Variants in ALPK3 observed in about 807,000 individuals in gnomAD.
ALPK3 encodes alpha kinase 3.
Under a neutral mutation model 140.0 loss-of-function variants are expected in ALPK3, and 102 were observed. The ratio of observed to expected loss-of-function variants is 0.73; its 90% CI spans 0.62 to 0.86. The LOEUF (loss-of-function observed/expected upper bound fraction) is 0.86, where lower values mean the gene tolerates loss of function less well. ALPK3 is among the 40% of genes least tolerant of loss of function. The pLI, the probability that ALPK3 is intolerant of heterozygous loss-of-function variation, is 0.00. For synonymous variants in ALPK3, 938 were observed against 898.5 expected, an observed-to-expected ratio of 1.04 and a Z score of -0.79; for missense variants, 2,254 against 2,208.2, an observed-to-expected ratio of 1.02 and a Z score of -0.42.
chr15:84,841,570 G>A (rs918013703), intron 5 of ALPK3, among the ~76,000 whole-genome samples: 1 of 152,232 alleles, frequency 6.6e-6, no homozygotes, highest in African/African-American at 2.4e-5. Context: ...GTTGGGATCA[G>A]ATATGACTAT....
At chr15:84,867,493 GC>G in intron 13 of ALPK3, 128 bp downstream of exon 13, 1 of 1,059,692 alleles carries the variant, frequency 9.4e-7, no homozygotes, top group Non-Finnish European at 1.4e-6. Flanking sequence ...CACACCCATG[GC>G]CATGTGGTAA....
At chr15:84,859,481 C>A in intron 7 of ALPK3, 91 bp downstream of exon 7, 1 of 1,484,646 alleles carries the variant, frequency 6.7e-7, no homozygotes. Flanking sequence ...CCTATCGCCT[C>A]ATTAATCCTC....
intron 1 of ALPK3, among the ~76,000 whole-genome samples, chr15:84,822,259 C>G (rs1963435382): frequency 6.6e-6 from 1 of 151,964 alleles, no homozygotes; most frequent in Non-Finnish European, 1.5e-5. Context: ...AGAAGTAGTC[C>G]AAGATGGCAG....
chr15:84,832,487 T>C (rs936392054), intron 3 of ALPK3, among the ~76,000 whole-genome samples: 25 of 152,232 alleles, frequency 1.6e-4, no homozygotes, highest in African/African-American at 6.0e-4. Flanking sequence ...CCTAGAAGCC[T>C]ACTCTTTTTC....
chr15:84,867,478 C>A, intron 13 of ALPK3, 113 bp downstream of exon 13: 2 of 1,184,728 alleles, frequency 1.7e-6, no homozygotes, highest in Non-Finnish European at 1.2e-6. Context: ...CCAAGTGGTC[C>A]CAGACACACC....
rs1964055523 is a variant in ALPK3 at position 84,870,401 on chromosome 15, T to C, written c.*1945T>C. ...TCAGCAGACATATACTGAGTGCTAC[T>C]TTATGCCAGACCCTGGGCTGGCAGC... On this transcript the variant is annotated 3_prime_UTR_variant, in exon 14 of 14. Transcript: ENST00000258888. The C allele has an allele frequency of 6.6e-6, 1 of 152,214 alleles. No individual in the cohort carries two copies. Among genetic ancestry groups the C allele is most frequent in the South Asian group, 2.1e-4 (1 of 4,830 alleles). 9.4% of individuals were successfully genotyped at this position (152,214 alleles called of 1,614,324 possible).
At chr15:84,838,004 G>A (rs1016570322) in intron 3 of ALPK3, among the ~76,000 whole-genome samples, 5 of 152,244 alleles carry the variant, frequency 3.3e-5, no homozygotes, top group African/African-American at 9.6e-5. Context: ...TGGCCAGAGA[G>A]GTAAGGGACA....
intron 3 of ALPK3, among the ~76,000 whole-genome samples, chr15:84,833,989 T>TC (rs1963573391): frequency 2.2e-5 from 2 of 90,302 alleles, no homozygotes; most frequent in South Asian, 7.1e-4. Flanking sequence ...GTGTGTGTGT[T>TC]TGCATGTGGG....
chr15:84,838,213 A>G (rs1419126281), intron 3 of ALPK3, among the ~76,000 whole-genome samples: 1 of 152,160 alleles, frequency 6.6e-6, no homozygotes, highest in Non-Finnish European at 1.5e-5. Flanking sequence ...AATAATCCTA[A>G]CAGCTCAGGA....
intron 5 of ALPK3, among the ~76,000 whole-genome samples, chr15:84,850,471 A>T (rs748806943): frequency 4.6e-5 from 7 of 151,918 alleles, no homozygotes; most frequent in Admixed American, 3.3e-4. Context: ...GCAGCCTCGA[A>T]CTCCTGGGCT....
At chr15:84,866,874 C>G (rs1182223995) in intron 12 of ALPK3, among the ~76,000 whole-genome samples, 1 of 152,136 alleles carries the variant, frequency 6.6e-6, no homozygotes, top group Non-Finnish European at 1.5e-5. Flanking sequence ...GTGACCTGGT[C>G]TGATCCAGTA....
intron 5 of ALPK3, among the ~76,000 whole-genome samples, chr15:84,847,249 G>GAGAGAGAGAGAGAGAGAGA (rs1467777064): frequency 2.5e-4 from 29 of 117,976 alleles, no homozygotes; most frequent in East Asian, 7.8e-4. Flanking sequence ...GAGAGAGAGA[G>GAGAGAGAGAGAGAGAGAGA]GAATCAGAAA....
intron 9 of ALPK3, among the ~76,000 whole-genome samples, chr15:84,861,279 GTTGA>G (rs1215251567): frequency 2.0e-5 from 3 of 151,846 alleles, no homozygotes; most frequent in African/African-American, 7.3e-5. Context: ...TCTGGATTTT[GTTGA>G]TTGTGTTCCC....
chr15:84,867,400 C>T (rs763684988), intron 13 of ALPK3, 35 bp downstream of exon 13: 11 of 1,611,690 alleles, frequency 6.8e-6, no homozygotes, highest in Admixed American at 5.0e-5. Flanking sequence ...GCCCTCTGGG[C>T]GTCTTCTCAG....
chr15:84,838,967 G>A lies in ALPK3; in HGVS notation c.305-13G>A, dbSNP rs550553150. The stretch of plus-strand genomic sequence containing the variant: ...TGGCCTTGCTGTAACCCAGTCTCCT[G>A]CTTCTTTCTCAGGATACCCAGAGCC... On this transcript the variant is annotated splice_polypyrimidine_tract_variant and intron_variant, in intron 3 of 13. Transcript: ENST00000258888. 6.2e-7 allele frequency: 1 copy of A among 1,612,018 alleles called. No homozygotes were observed. The highest frequency in any genetic ancestry group is 2.2e-5 in the East Asian group (1 of 44,840).
At chr15:84,859,436 A>G (rs777527265) in intron 7 of ALPK3, 46 bp downstream of exon 7, 2 of 1,608,654 alleles carry the variant, frequency 1.2e-6, no homozygotes, top group East Asian at 2.2e-5. Context: ...CCCTGATTGC[A>G]GTAATACCGT....
chr15:84,852,980 C>A (rs1963821946), intron 5 of ALPK3, among the ~76,000 whole-genome samples: 1 of 152,096 alleles, frequency 6.6e-6, no homozygotes, highest in Non-Finnish European at 1.5e-5. Flanking sequence ...AGGCAGTTGG[C>A]AGTGGAGATG....
intron 3 of ALPK3, among the ~76,000 whole-genome samples, chr15:84,832,633 T>C (rs1963555762): frequency 6.6e-6 from 1 of 152,130 alleles, no homozygotes; most frequent in African/African-American, 2.4e-5. Context: ...TCCAACAAGA[T>C]CGTGACATCT....
chr15:84,867,177 G>C, intron 12 of ALPK3, 140 bp from the exon 13 acceptor site: 1 of 541,562 alleles, frequency 1.8e-6, no homozygotes, highest in East Asian at 3.5e-5. Context: ...GTTGATGCCA[G>C]CCTGGGCTGG....
Sources: allele counts gnomAD v4.1 joint callset (sites outside exome capture counted in the v4.1 genomes callset), GRCh38; gene constraint gnomAD v4.1.1; transcripts MANE v1.5; gene names NCBI Gene and HGNC (gene_info 2026-07-23, HGNC 2026-07-21).